SOS2: variants seen among roughly 807,000 people sequenced by gnomAD.
The protein encoded by SOS2 is SOS Ras/Rho guanine nucleotide exchange factor 2, also known as son of sevenless homolog 2.
A neutral mutation model predicts 148.2 loss-of-function variants in SOS2; 65 were observed. The observed-to-expected ratio is 0.44, with a 90% CI of 0.36 to 0.54. The LOEUF (loss-of-function observed/expected upper bound fraction) is 0.54. Among genes scored for constraint, SOS2 ranks in the 20% least tolerant of loss-of-function variants. SOS2 has a pLI of 0.00. For synonymous variants in SOS2, 539 were observed against 537.1 expected, an observed-to-expected ratio of 1.00 and a Z score of -0.05; for missense variants, 1,341 against 1,590.2, an observed-to-expected ratio of 0.84 and a Z score of 2.67.
chr14:50,211,517 G>C (rs1176363421), intron 1 of SOS2, among the ~76,000 whole-genome samples: 2 of 151,228 alleles, frequency 1.3e-5, no homozygotes, highest in African/African-American at 4.9e-5. Flanking sequence ...CCCATGTTTA[G>C]CTCTCACCCG....
chr14:50,118,905 A>C, intron 22 of SOS2, 52 bp from the exon 23 acceptor site: 1 of 1,232,240 alleles, frequency 8.1e-7, no homozygotes. Flanking sequence ...AATTAAAAAA[A>C]AAAATTTTTA....
chr14:50,165,412 C>T (rs774756115), intron 8 of SOS2, among the ~76,000 whole-genome samples: 5 of 152,032 alleles, frequency 3.3e-5, no homozygotes, highest in Non-Finnish European at 4.4e-5. Context: ...CACACACACC[C>T]GCGCACACAC....
At chr14:50,137,630 G>C (rs1322175299) in intron 18 of SOS2, among the ~76,000 whole-genome samples, 1 of 151,774 alleles carries the variant, frequency 6.6e-6, no homozygotes, top group Non-Finnish European at 1.5e-5. Context: ...ATTTCTTACA[G>C]GTCACACAAG....
intron 1 of SOS2, among the ~76,000 whole-genome samples, chr14:50,211,098 T>C (rs1044397797): frequency 1.3e-5 from 2 of 152,070 alleles, no homozygotes; most frequent in Admixed American, 6.6e-5. Context: ...TCCAATATAA[T>C]AGACGCTAGC....
chr14:50,119,578 CTGGAGTGCAA>C (rs1411483106), intron 22 of SOS2, among the ~76,000 whole-genome samples: 1 of 151,872 alleles, frequency 6.6e-6, no homozygotes, highest in Non-Finnish European at 1.5e-5. Flanking sequence ...GTCGCCCAGG[CTGGAGTGCAA>C]TGGTGCGATC....
At chr14:50,204,242 C>G (rs757087831) in intron 2 of SOS2, 42 bp downstream of exon 2, 1 of 1,269,750 alleles carries the variant, frequency 7.9e-7, no homozygotes, top group Non-Finnish European at 1.1e-6. Context: ...TTAATTCATA[C>G]AGTGGTTGAG....
chr14:50,216,899 A>C (rs972871631), intron 1 of SOS2, among the ~76,000 whole-genome samples: 2 of 152,328 alleles, frequency 1.3e-5, no homozygotes, highest in African/African-American at 4.8e-5. Context: ...TGATCTGTAG[A>C]TGCAACACAA....
At chr14:50,132,711 G>C (rs1419784041) in intron 19 of SOS2, among the ~76,000 whole-genome samples, 1 of 151,980 alleles carries the variant, frequency 6.6e-6, no homozygotes, top group Admixed American at 6.6e-5. Flanking sequence ...CAGTTTTTTA[G>C]GACGCTCAAG....
At chr14:50,207,466 G>A (rs1293347824) in intron 1 of SOS2, among the ~76,000 whole-genome samples, 1 of 151,848 alleles carries the variant, frequency 6.6e-6, no homozygotes, top group East Asian at 1.9e-4. Flanking sequence ...AGACATGATG[G>A]TGCCACTGCG....
intron 1 of SOS2, among the ~76,000 whole-genome samples, chr14:50,227,242 T>C (rs550881687): frequency 2.7e-4 from 26 of 96,642 alleles, no homozygotes; most frequent in East Asian, 1.7e-3. Context: ...TTTCTTTCTT[T>C]CTTTCTTTTT....
chr14:50,121,683 T>C (rs1184565956), intron 21 of SOS2, among the ~76,000 whole-genome samples: 1 of 151,964 alleles, frequency 6.6e-6, no homozygotes, highest in Admixed American at 6.6e-5. Flanking sequence ...TATGTCAAAC[T>C]AATTATTCTA....
chr14:50,155,335 T>G (rs185578368), intron 12 of SOS2, among the ~76,000 whole-genome samples: 4 of 152,300 alleles, frequency 2.6e-5, no homozygotes, highest in Admixed American at 2.6e-4. Flanking sequence ...CATCTACTAC[T>G]TGCAATACAA....
In SOS2 at chr14:50,204,379, C is replaced by A; in HGVS notation, c.118G>T (p.Ala40Ser). Residue 40 changes from alanine to serine, a missense_variant, in exon 2 of 23, where the codon GCT (alanine) becomes TCT (serine). Ala to Ser is a moderately conservative substitution (Grantham distance 99). Transcript: ENST00000216373. ...VQEQVHPTLS[A>S]NEESLYYIEE... is the part of the protein sequence containing the mutation. ...ATATAATAGAGAGACTCTTCATTAG[C>A]TGAGAGAGTGGGATGCACTTGTTCC... 6.3e-7 allele frequency: 1 copy of A among 1,582,590 alleles called. No individual in the cohort carries two copies. Among genetic ancestry groups the A allele is most frequent in the South Asian group, 1.1e-5 (1 of 88,354 alleles).
intron 8 of SOS2, among the ~76,000 whole-genome samples, chr14:50,164,211 C>T (rs536425509): frequency 2.2e-4 from 33 of 152,150 alleles, no homozygotes; most frequent in Non-Finnish European, 3.8e-4. Context: ...GAGGCCAAGG[C>T]GGGCAGATCA....
At chr14:50,229,561 C>G (rs1169903640) in intron 1 of SOS2, among the ~76,000 whole-genome samples, 2 of 150,152 alleles carry the variant, frequency 1.3e-5, no homozygotes, top group East Asian at 3.9e-4. Flanking sequence ...GTAATCCCAA[C>G]AGTTTGGAAG....
At chr14:50,228,802 G>A (rs989608727) in intron 1 of SOS2, among the ~76,000 whole-genome samples, 2 of 152,178 alleles carry the variant, frequency 1.3e-5, no homozygotes, top group Non-Finnish European at 2.9e-5. Context: ...CTTTGGAGGG[G>A]CCTTTATTTT....
chr14:50,229,116 T>G (rs117238252), intron 1 of SOS2, among the ~76,000 whole-genome samples: 3,144 of 152,050 alleles, frequency 0.021, 69 homozygotes, highest in Non-Finnish European at 0.026. Flanking sequence ...AAAGAAAGAG[T>G]GAACCTTTAG....
chr14:50,178,693 TATATATATATATATATATAC>T lies in SOS2; in HGVS notation c.969+1859_969+1878del, dbSNP rs1566839649. Among the ~76,000 whole-genome samples, 116 of 21,180 alleles carry T rather than the reference TATATATATATATATATATAC, an allele frequency of 5.5e-3. 2 individuals are homozygous for T. Among genetic ancestry groups the T allele is most frequent in the South Asian group, 0.023 (25 of 1,078 alleles). 13.9% of individuals were successfully genotyped at this position (21,180 alleles called of 152,430 possible). A position where few individuals can be genotyped will look rare whatever the true frequency, so the allele number is the denominator to read the frequency against. On this transcript the variant is annotated intron_variant, in intron 7 of 22. Coordinates refer to ENST00000216373, the MANE Select transcript of SOS2 (RefSeq NM_006939.4). ...GTGCATATATATATATATATATATA[TATATATATATATATATATAC>T]ACACATATACACACACATATATATA...
chr14:50,192,156 AAAAAAAAAAAAAAAAAAAAAG>A (rs1886162903), intron 4 of SOS2, among the ~76,000 whole-genome samples: 1 of 25,490 alleles, frequency 3.9e-5, no homozygotes, highest in Non-Finnish European at 1.3e-4. Context: ...AAAAAAAAAA[AAAAAAAAAAAAAAAAAAAAAG>A]GAGCGAGCAA....
Sources: gnomAD v4.1 joint callset for allele counts (sites outside exome capture counted in the v4.1 genomes callset) on GRCh38, gnomAD v4.1.1 for gene constraint, MANE v1.5 for transcripts, NCBI Gene and HGNC (gene_info 2026-07-23, HGNC 2026-07-21) for gene names.